GBP3: variants seen among roughly 807,000 people sequenced by gnomAD.
The protein encoded by GBP3 is guanylate binding protein 3, also known as guanylate-binding protein 3.
In GBP3, 55 loss-of-function variants were observed where a neutral mutation model predicts 62.4. That is an observed-to-expected ratio of 0.88 (90% confidence interval 0.71 to 1.10). GBP3 has a LOEUF of 1.10. Among genes scored for constraint, GBP3 ranks in the 50% least tolerant of loss-of-function variants. The pLI, the probability that GBP3 is intolerant of heterozygous loss-of-function variation, is 0.00. For missense variants in GBP3, 605 were observed against 690.6 expected (o/e 0.88, Z 1.39); for synonymous variants, 208 against 259.2 (o/e 0.80, Z 1.90).
chr1:89,007,583 G>T lies in GBP3; in HGVS notation c.*141C>A. 1.3e-6 allele frequency: 1 copy of T among 771,986 alleles called. No homozygotes were observed. Among genetic ancestry groups the T allele is most frequent in the Non-Finnish European group, 2.1e-6 (1 of 478,310 alleles). The allele number at this position is 771,986 out of a possible 1,614,324, so 47.8% of individuals were successfully genotyped here. Reference sequence around the variant, plus strand: ...CTTTTTAAGGAAAAAACATGATTTTGATCATTGAACTGCATGTTCTTGTAA... The same window carrying T: ...CTTTTTAAGGAAAAAACATGATTTTTATCATTGAACTGCATGTTCTTGTAA... On this transcript the variant is annotated 3_prime_UTR_variant, in exon 11 of 11. Coordinates refer to ENST00000370481, the MANE Select transcript of GBP3 (RefSeq NM_018284.3).
At chr1:89,016,347 TAC>T (rs367673433) in intron 2 of GBP3, among the ~76,000 whole-genome samples, 15 of 150,144 alleles carry the variant, frequency 1.0e-4, no homozygotes, top group East Asian at 1.9e-4. Flanking sequence ...CTACTAAAAC[TAC>T]ACACACACAC....
At chr1:89,020,786 T>G in intron 1 of GBP3, 43 bp from the exon 2 acceptor site, 1 of 1,554,104 alleles carries the variant, frequency 6.4e-7, no homozygotes, top group Non-Finnish European at 8.8e-7. Context: ...TCCAGTCTTT[T>G]GCATTTAGAG....
Position 89,014,656 on chromosome 1 carries a change from C to A in GBP3, c.319G>T (p.Gly107Cys). The change falls in exon 4 of 11, where the codon GGT (glycine) becomes TGT (cysteine). Residue 107 changes from glycine to cysteine, a missense_variant and splice_region_variant. Physicochemically the swap from Gly to Cys is radical, Grantham distance 159 (BLOSUM62 -3). Coordinates refer to ENST00000370481, the MANE Select transcript of GBP3 (RefSeq NM_018284.3). ...DTEGLGDVKK[G>C]DNQNDSWIFT... Reference sequence around the variant, plus strand: ...ATCCAGGAGTCATTCTGGTTGTCACCCTGGAAGTCAAGACACACTGGAGTC... The same window carrying A: ...ATCCAGGAGTCATTCTGGTTGTCACACTGGAAGTCAAGACACACTGGAGTC... 1 of 1,613,948 alleles carries A rather than the reference C, an allele frequency of 6.2e-7. No homozygotes were observed. The highest frequency in any genetic ancestry group is 8.5e-7 in the Non-Finnish European group (1 of 1,179,928).
chr1:89,020,775 T>C, intron 1 of GBP3, 32 bp from the exon 2 acceptor site: 1 of 1,572,060 alleles, frequency 6.4e-7, no homozygotes, highest in South Asian at 1.2e-5. Context: ...GAATTAGAAT[T>C]TCCAGTCTTT....
rs759231169 is a variant in GBP3 at position 89,011,872 on chromosome 1, G to T, written c.1024C>A (p.Gln342Lys). The change falls in exon 7 of 11, where the codon CAG becomes AAG. Residue 342 changes from glutamine (Q) to lysine (K), a missense_variant. Around this residue, in one of 3 missense-constraint regions of GBP3, gnomAD observed 137 missense variants for 224.7 expected, o/e 0.61. Transcript: ENST00000370481. ...HYDQQMGQKV[Q>K]LPAETLQELL... ...TCCTGGAGGGTTTCTGCGGGCAGCT[G>T]CACCTTCTGGCCCATCTGCTGGTCA... 7.3e-5 allele frequency: 107 copies of T among 1,461,952 alleles called. 23 individuals carry two copies. In the South Asian group the frequency reaches 1.2e-3, roughly 17 times the overall value. The allele number at this position is 1,461,952 out of a possible 1,614,324, so 90.6% of individuals were successfully genotyped here.
rs899658696 is a variant in GBP3 at position 89,013,278 on chromosome 1, C to T, written c.775G>A (p.Glu259Lys). 1.2e-6 allele frequency: 2 copies of T among 1,614,202 alleles called. No homozygotes were observed. Among genetic ancestry groups the T allele is most frequent in the Non-Finnish European group, 1.7e-6 (2 of 1,180,038 alleles). ...AAGTCTGCTACTTGTTGCACAAATT[C>T]AGGGTCCAGCTCTTCATCTTGTAGT... ...EKLQDEELDP[E>K]FVQQVADFCS... The change falls in exon 6 of 11, where the codon GAA becomes AAA. Residue 259 changes from glutamate (E) to lysine (K), a missense_variant. By Grantham distance (56) the Glu-to-Lys change is moderately conservative. Transcript: ENST00000370481.
At position 89,009,750 on chromosome 1, in the gene GBP3, C is replaced by T. The variant is rs79601099; in HGVS notation, c.1363-256G>A. Among the ~76,000 whole-genome samples the T allele has an allele frequency of 7.4e-3, 1,126 of 152,190 alleles. 20 individuals are homozygous for T. Among genetic ancestry groups the T allele is most frequent in the African/African-American group, 0.026 (1,081 of 41,514 alleles). ...TTCCCTGTCCTTTTCAAATTGAGGG[C>T]TCTAAATTTGATGCTGTGGTTCCAT... On this transcript the variant is annotated intron_variant, in intron 8 of 10. Transcript: ENST00000370481.
intron 3 of GBP3, among the ~76,000 whole-genome samples, chr1:89,014,897 A>AT (rs1180487963): frequency 2.6e-5 from 4 of 152,330 alleles, no homozygotes; most frequent in Non-Finnish European, 5.9e-5. Flanking sequence ...TTGGCAGACA[A>AT]TTGCAAAATA....
At position 89,015,366 on chromosome 1, in the gene GBP3, A is replaced by G. The variant is rs963684523; in HGVS notation, c.239T>C (p.Met80Thr). 2.5e-6 allele frequency: 4 copies of G among 1,613,624 alleles called. No individual in the cohort carries two copies. The highest frequency in any genetic ancestry group is 3.4e-6 in the Non-Finnish European group (4 of 1,179,826). The change falls in exon 3 of 11, where the codon ATG (methionine) becomes ACG (threonine). Residue 80 changes from methionine to threonine, a missense_variant. Met to Thr is a moderately conservative substitution (Grantham distance 81). Transcript: ENST00000370481. ...TVKSHTKGIW[M>T]WCVPHPKKPE... Reference sequence around the variant, plus strand: ...CTTTTTGGGGTGAGGCACACACCACATCCAGATTCCTTTGGTGTGAGATTT... The same window carrying G: ...CTTTTTGGGGTGAGGCACACACCACGTCCAGATTCCTTTGGTGTGAGATTT...
chr1:89,021,510 G>GCGCGCACACACACACACA (rs751639388), intron 1 of GBP3, among the ~76,000 whole-genome samples: 67 of 131,734 alleles, frequency 5.1e-4, no homozygotes, highest in African/African-American at 1.7e-3. Context: ...GCGCGCGCGC[G>GCGCGCACACACACACACA]CACACACACA....
At chr1:89,016,695 C>T (rs958903669) in intron 2 of GBP3, among the ~76,000 whole-genome samples, 27 of 152,244 alleles carry the variant, frequency 1.8e-4, no homozygotes, top group African/African-American at 6.3e-4. Context: ...CCACCTCAGC[C>T]TCCCGAGTAG....
chr1:89,014,898 T>C (rs901427116), intron 3 of GBP3, among the ~76,000 whole-genome samples: 62 of 152,216 alleles, frequency 4.1e-4, no homozygotes, highest in African/African-American at 1.4e-3. Context: ...TGGCAGACAA[T>C]TGCAAAATAA....
chr1:89,011,301 G>T (rs889676217), intron 7 of GBP3, among the ~76,000 whole-genome samples, 185 bp from the exon 8 acceptor site: 3 of 139,568 alleles, frequency 2.1e-5, no homozygotes, highest in African/African-American at 4.9e-5. Context: ...CTCTTTAGAG[G>T]TGAGGTTCAG....
At chr1:89,021,564 A>G (rs1271242669) in intron 1 of GBP3, among the ~76,000 whole-genome samples, 8 of 150,576 alleles carry the variant, frequency 5.3e-5, no homozygotes, top group Non-Finnish European at 1.0e-4. Context: ...AACCAAACCA[A>G]ACAAACAACA....
intron 1 of GBP3, among the ~76,000 whole-genome samples, chr1:89,022,480 A>G (rs1380645233): frequency 6.6e-6 from 1 of 152,216 alleles, no homozygotes; most frequent in Non-Finnish European, 1.5e-5. Context: ...TGGCACTTAG[A>G]GCCATGGTAC....
intron 2 of GBP3, chr1:89,020,303 G>T: frequency 1.7e-6 from 1 of 590,832 alleles, no homozygotes; most frequent in Non-Finnish European, 3.1e-6. Flanking sequence ...AGTAGAACAA[G>T]GAGTTCAACT....
In GBP3 at chr1:89,007,697, G is replaced by A. The variant is rs766013708; in HGVS notation, c.*27C>T. On this transcript the variant is annotated 3_prime_UTR_variant, in exon 11 of 11. Transcript: ENST00000370481. The stretch of plus-strand genomic sequence containing the variant: ...TAAAATTGTTTCAGTTATGCCTTGG[G>A]TTAGGATGACAGAAAAGCTCTGTTG... 1.9e-6 allele frequency: 3 copies of A among 1,598,168 alleles called. No individual in the cohort carries two copies. Among genetic ancestry groups the A allele is most frequent in the Admixed American group, 1.7e-5 (1 of 57,864 alleles).
At chr1:89,007,929 T>C (rs1225299661) in intron 10 of GBP3, 77 bp from the exon 11 acceptor site, 2 of 1,355,944 alleles carry the variant, frequency 1.5e-6, no homozygotes, top group Admixed American at 2.3e-5. Context: ...TCCACATGCA[T>C]TGATTTATTT....
chr1:89,019,516 G>A (rs566874806), intron 2 of GBP3, among the ~76,000 whole-genome samples: 2 of 152,288 alleles, frequency 1.3e-5, no homozygotes, highest in South Asian at 4.1e-4. Flanking sequence ...TTGAACTCCC[G>A]ACCTCAGGTG....
Sources: gnomAD v4.1 joint callset for allele counts (sites outside exome capture counted in the v4.1 genomes callset) on GRCh38, gnomAD v4.1.1 for gene constraint, gnomAD v4.1.1 regional missense constraint, MANE v1.5 for transcripts, NCBI Gene and HGNC (gene_info 2026-07-23, HGNC 2026-07-21) for gene names.